USF3: variants seen among roughly 807,000 people sequenced by gnomAD.
USF3 encodes basic helix-loop-helix domain-containing protein USF3.
A neutral mutation model predicts 157.5 loss-of-function variants in USF3; 29 were observed. That is an observed-to-expected ratio of 0.18 (90% CI 0.14 to 0.25). The LOEUF is 0.25. USF3 is among the 10% of genes least tolerant of loss of function. The pLI is 1.00. For missense variants in USF3, 2,381 were observed against 2,667.6 expected (o/e 0.89, Z 2.37); for synonymous variants, 893 against 941.4 (o/e 0.95, Z 0.94).
chr3:113,661,452 A>G, intron 6 of USF3, 27 bp from the exon 7 acceptor site: 1 of 1,311,188 alleles, frequency 7.6e-7, no homozygotes, highest in Non-Finnish European at 1.0e-6. Context: ...AAAAATTTAT[A>G]AATACCTGAG....
intron 4 of USF3, among the ~76,000 whole-genome samples, chr3:113,672,576 G>C (rs1211156792): frequency 2.0e-5 from 3 of 151,896 alleles, no homozygotes; most frequent in African/African-American, 7.3e-5. Context: ...AATAGTATTT[G>C]TTGGTTTCTA....
intron 5 of USF3, among the ~76,000 whole-genome samples, chr3:113,667,855 A>T (rs536656332): frequency 6.7e-6 from 1 of 149,898 alleles, no homozygotes; most frequent in Non-Finnish European, 1.5e-5. Flanking sequence ...CAACAGAGTG[A>T]GACTGTCTCA....
In USF3 at chr3:113,658,218, G is replaced by T. The variant is rs1445817365; in HGVS notation, c.3464C>A (p.Ala1155Asp). ...NLEKGRVGLQ[A>D]DIREVASKPS... ...CTTTGAAGCAACTTCCCTTATATCA[G>T]CCTGGAGGCCAACTCTCCCCTTCTC... The change falls in exon 7 of 7, where the codon GCT (alanine) becomes GAT (aspartate). Residue 1155 changes from alanine (A) to aspartate (D), a missense_variant. Coordinates refer to ENST00000316407, the MANE Select transcript of USF3 (RefSeq NM_001009899.4). 6.2e-7 allele frequency: 1 copy of T among 1,613,964 alleles called. No individual in the cohort carries two copies. Among genetic ancestry groups the T allele is most frequent in the Admixed American group, 1.7e-5 (1 of 59,984 alleles).
At chr3:113,686,434 T>C (rs1490625780) in intron 1 of USF3, among the ~76,000 whole-genome samples, 1 of 152,210 alleles carries the variant, frequency 6.6e-6, no homozygotes, top group African/African-American at 2.4e-5. Context: ...ATGCTAAAAC[T>C]AGGTACTGTG....
chr3:113,660,278 G>T lies in USF3; in HGVS notation c.1404C>A (p.Ser468Arg), dbSNP rs1947458836. The change falls in exon 7 of 7, where the codon AGC becomes AGA. Residue 468 changes from serine to arginine, a missense_variant. Ser to Arg is a moderately radical substitution (Grantham distance 110). Transcript: ENST00000316407. ...CTGTAGCCACATATCTACTGTGGTTGCTTGTGGTGGGGCTAGTACCAGACT... is the reference window on the plus strand; with the variant it reads ...CTGTAGCCACATATCTACTGTGGTTTCTTGTGGTGGGGCTAGTACCAGACT... ...LNESGTSPTT[S>R]NHSRYVATDI... The T allele has an allele frequency of 1.9e-5, 30 of 1,614,044 alleles. No individual in the cohort carries two copies. The highest frequency in any genetic ancestry group is 2.5e-5 in the Non-Finnish European group (29 of 1,179,864).
In USF3 at chr3:113,653,604, T is replaced by TG. The variant is rs1437294280; in HGVS notation, c.*1339_*1340insC. ...GGCAACAGAGCCAGACTCCATCTAT[T>TG]AAAAAAAAAAAAAAAAAAAAAACCC... On this transcript the variant is annotated 3_prime_UTR_variant, in exon 7 of 7. Transcript: ENST00000316407. The TG allele has an allele frequency of 1.9e-5, 2 of 107,100 alleles. No homozygotes were observed. Among genetic ancestry groups the TG allele is most frequent in the Non-Finnish European group, 3.9e-5 (2 of 51,516 alleles). The allele number at this position is 107,100 out of a possible 1,614,324, so 6.6% of individuals were successfully genotyped here.
Position 113,661,365 on chromosome 3 carries a change from T to C in USF3, c.317A>G (p.Tyr106Cys), listed in dbSNP as rs756577920. Residue 106 changes from tyrosine (Y) to cysteine (C), a missense_variant, in exon 7 of 7, where the codon TAT (tyrosine) becomes TGT (cysteine). Tyr to Cys is a radical substitution (Grantham distance 194). Transcript: ENST00000316407. The stretch of plus-strand genomic sequence containing the variant: ...GTCATTAGCTTTCAGTAATTCAATA[T>C]ATCGGCCATTTTCTTTTTGGATTTC... ...LEEIQKENGR[Y>C]IELLKANDIC... 17 of 1,591,814 alleles carry C rather than the reference T, an allele frequency of 1.1e-5. No individual in the cohort carries two copies. In the Admixed American group the frequency reaches 2.4e-4, roughly 22 times the overall value.
intron 1 of USF3, among the ~76,000 whole-genome samples, chr3:113,693,428 A>T (rs1439710890): frequency 1.3e-5 from 2 of 152,218 alleles, no homozygotes. Context: ...GGGGCCACGG[A>T]AGATAAATCA....
chr3:113,671,765 CTTTT>C (rs10686146), intron 4 of USF3, among the ~76,000 whole-genome samples: 9 of 113,142 alleles, frequency 8.0e-5, no homozygotes, highest in South Asian at 5.8e-4. Flanking sequence ...TTTCTTCTTC[CTTTT>C]TTTTTTTTTT....
chr3:113,667,251 T>G (rs1381887435), intron 5 of USF3, among the ~76,000 whole-genome samples: 1 of 152,214 alleles, frequency 6.6e-6, no homozygotes, highest in Non-Finnish European at 1.5e-5. Flanking sequence ...ACCTGATAAT[T>G]CCCAGCCACC....
Position 113,660,434 on chromosome 3 carries a change from G to GT in USF3, c.1247dup (p.Asn416LysfsTer3), listed in dbSNP as rs779154090. 6.2e-7 allele frequency: 1 copy of GT among 1,614,170 alleles called. No individual in the cohort carries two copies. The highest frequency in any genetic ancestry group is 1.7e-5 in the Admixed American group (1 of 60,020). ...AAGAGATTCGTGTAAGGCTATTAAT[G>GT]TTTTTCAAATCTGAAGTACTAACAC... On this transcript the variant is annotated frameshift_variant, in exon 7 of 7. Coordinates refer to ENST00000316407, the MANE Select transcript of USF3 (RefSeq NM_001009899.4). LOFTEE classifies it high-confidence loss of function.
In USF3 at chr3:113,656,215, A is replaced by C; in HGVS notation, c.5467T>G (p.Leu1823Val). 1 of 1,614,154 alleles carries C rather than the reference A, an allele frequency of 6.2e-7. No homozygotes were observed. Among genetic ancestry groups the C allele is most frequent in the East Asian group, 2.2e-5 (1 of 44,878 alleles). Residue 1823 changes from leucine (L) to valine (V), a missense_variant, in exon 7 of 7, where the codon TTA becomes GTA. Transcript: ENST00000316407. The stretch of plus-strand genomic sequence containing the variant: ...TGATCACTGAGGTGAGGGGCAAGTA[A>C]GCTCTGCATGAAACTTTGGTGACAA... The part of the protein sequence containing the change: ...NTCHQSFMQS[L>V]LAPHLSDQVI...
intron 6 of USF3, among the ~76,000 whole-genome samples, chr3:113,663,741 T>C (rs1167708590): frequency 6.6e-6 from 1 of 152,224 alleles, no homozygotes; most frequent in Non-Finnish European, 1.5e-5. Flanking sequence ...TTCCCGCTGC[T>C]ATAAGAAAAC....
At position 113,655,741 on chromosome 3, in the gene USF3, G is replaced by A. The variant is rs1260204329; in HGVS notation, c.5941C>T (p.Pro1981Ser). The A allele has an allele frequency of 7.4e-6, 12 of 1,613,878 alleles. No homozygotes were observed. Among genetic ancestry groups the A allele is most frequent in the Non-Finnish European group, 1.0e-5 (12 of 1,179,970 alleles). The change falls in exon 7 of 7, where the codon CCC (proline) becomes TCC (serine). Residue 1981 changes from proline to serine, a missense_variant. This residue lies in a region of USF3 where 770 missense variants were observed against 824.2 expected (regional missense o/e 0.93). Transcript: ENST00000316407. ...TTGGAACCACTGCTGTCTTGCAGGG[G>A]ATGCCTTGATCTCTGGGGAACTGAA... ...NSSVPQRSRHPLQDSSGSKIR... is the reference protein window; with the variant it reads ...NSSVPQRSRHSLQDSSGSKIR...
In USF3 at chr3:113,660,712, T is replaced by C. The variant is rs754900436; in HGVS notation, c.970A>G (p.Ile324Val). The change falls in exon 7 of 7, where the codon ATA becomes GTA. Residue 324 changes from isoleucine (I) to valine (V), a missense_variant. Physicochemically the swap from Ile to Val is conservative, Grantham distance 29 (BLOSUM62 3). Transcript: ENST00000316407. ...VHHGNKSCLS[I>V]QDFRGDFQNT... is the part of the protein sequence containing the mutation. ...TGAAAATCACCTCTGAAGTCCTGTA[T>C]GCTCAGGCAGGACTTGTTTCCATGG... 2 of 1,614,236 alleles carry C rather than the reference T, an allele frequency of 1.2e-6. No homozygotes were observed. Among genetic ancestry groups the C allele is most frequent in the South Asian group, 1.1e-5 (1 of 91,088 alleles).
At position 113,660,407 on chromosome 3, in the gene USF3, T is replaced by A. The variant is rs759986716; in HGVS notation, c.1275A>T (p.Ser425=). ...TCCACGTTGTCTGTGTGTTTCCAGC[T>A]GAAGAGATTCGTGTAAGGCTATTAA... ...KNINSLTRIS[S]AGNTQTTWTT... Residue 425 remains serine (S), a synonymous_variant, in exon 7 of 7, where the codon TCA becomes TCT. Coordinates refer to ENST00000316407, the MANE Select transcript of USF3 (RefSeq NM_001009899.4). 9 of 1,614,084 alleles carry A rather than the reference T, an allele frequency of 5.6e-6. No individual in the cohort carries two copies. Among genetic ancestry groups the A allele is most frequent in the Non-Finnish European group, 6.8e-6 (8 of 1,180,022 alleles).
intron 1 of USF3, among the ~76,000 whole-genome samples, chr3:113,688,707 ACTC>A (rs1707614175): frequency 6.6e-6 from 1 of 151,784 alleles, no homozygotes; most frequent in Non-Finnish European, 1.5e-5. Context: ...ATTTTTCAAA[ACTC>A]CTGAAATGAT....
chr3:113,682,919 C>A (rs1027874598), intron 1 of USF3, among the ~76,000 whole-genome samples: 5 of 138,878 alleles, frequency 3.6e-5, no homozygotes, highest in Non-Finnish European at 7.7e-5. Context: ...CCTTTTTAAT[C>A]CATTCAGCCA....
intron 1 of USF3, among the ~76,000 whole-genome samples, 192 bp downstream of exon 1, chr3:113,696,178 G>C (rs1250277075): frequency 6.6e-6 from 1 of 152,210 alleles, no homozygotes; most frequent in African/African-American, 2.4e-5. Flanking sequence ...CTCGCCGCGG[G>C]CGCTGACGCC....
Sources: gnomAD v4.1 joint callset for allele counts (sites outside exome capture counted in the v4.1 genomes callset) on GRCh38, gnomAD v4.1.1 for gene constraint, gnomAD v4.1.1 regional missense constraint, MANE v1.5 for transcripts, NCBI Gene and HGNC (gene_info 2026-07-23, HGNC 2026-07-21) for gene names.